The following CBL variants were observed in gnomAD, a reference collection of about 807,000 sequenced individuals.
The protein encoded by CBL is Cbl proto-oncogene, also known as E3 ubiquitin-protein ligase CBL.
A neutral mutation model predicts 96.9 loss-of-function variants in CBL; 45 were observed. The observed-to-expected ratio is 0.46, with a 90% CI of 0.37 to 0.60. The LOEUF (loss-of-function observed/expected upper bound fraction) is 0.60. Among genes scored for constraint, CBL ranks in the 20% least tolerant of loss-of-function variants. The pLI is 0.00. For missense variants in CBL, 1,024 were observed against 1,143.5 expected (o/e 0.90, Z 1.51); for synonymous variants, 420 against 426.8 (o/e 0.98, Z 0.20).
intron 12 of CBL, among the ~76,000 whole-genome samples, chr11:119,294,882 A>G (rs1950053592): frequency 6.6e-6 from 1 of 152,218 alleles, no homozygotes; most frequent in Non-Finnish European, 1.5e-5. Flanking sequence ...ATAGTTAGCA[A>G]TTTGATACAT....
Position 119,301,912 on chromosome 11 carries a change from C to G in CBL, c.*2131C>G. On this transcript the variant is annotated 3_prime_UTR_variant, in exon 16 of 16. Transcript: ENST00000264033. ...AGACAAAGAACTAGAAAAAAAAAAG[C>G]AGTTTCCAGGCCCATCCATATTGTA... The G allele has an allele frequency of 4.3e-6, 1 of 233,014 alleles. No individual in the cohort carries two copies. The highest frequency in any genetic ancestry group is 6.0e-5 in the East Asian group (1 of 16,576). The allele number at this position is 233,014 out of a possible 1,614,324, so 14.4% of individuals were successfully genotyped here.
chr11:119,258,741 G>A (rs893253740), intron 2 of CBL, among the ~76,000 whole-genome samples: 4 of 152,090 alleles, frequency 2.6e-5, no homozygotes, highest in Non-Finnish European at 5.9e-5. Context: ...TTCTGTTTAG[G>A]ATTGCTTTGG....
At chr11:119,213,672 CG>C (rs1400582555) in intron 1 of CBL, among the ~76,000 whole-genome samples, 1 of 152,054 alleles carries the variant, frequency 6.6e-6, no homozygotes, top group Non-Finnish European at 1.5e-5. Context: ...GAGGGCCAAG[CG>C]GGTGACTTGA....
intron 1 of CBL, among the ~76,000 whole-genome samples, chr11:119,225,978 C>T (rs1002388049): frequency 6.6e-6 from 1 of 152,170 alleles, no homozygotes; most frequent in Admixed American, 6.5e-5. Context: ...ATCCACCTGC[C>T]TTGGCCTCCC....
At position 119,307,469 on chromosome 11, in the gene CBL, TC is replaced by T. The variant is rs1478043142; in HGVS notation, c.*7689del. 4.3e-6 allele frequency: 1 copy of T among 232,362 alleles called. No individual in the cohort carries two copies. Among genetic ancestry groups the T allele is most frequent in the African/African-American group, 2.2e-5 (1 of 45,354 alleles). The allele number at this position is 232,362 out of a possible 1,614,324, so 14.4% of individuals were successfully genotyped here. A position where few individuals can be genotyped will look rare whatever the true frequency, so the allele number is the denominator to read the frequency against. On this transcript the variant is annotated 3_prime_UTR_variant, in exon 16 of 16. Transcript: ENST00000264033. Reference sequence around the variant, plus strand: ...GCCCCCATCAGATGTGGCTGGCCTTTCATTTGAAGGCTTCAGACTTAAAGCA... The same window carrying T: ...GCCCCCATCAGATGTGGCTGGCCTTTATTTGAAGGCTTCAGACTTAAAGCA...
intron 12 of CBL, among the ~76,000 whole-genome samples, chr11:119,289,898 A>G (rs1950012672): frequency 6.6e-6 from 1 of 152,060 alleles, no homozygotes; most frequent in African/African-American, 2.4e-5. Flanking sequence ...ATTCGCCACC[A>G]TGCCTGGCTA....
At chr11:119,210,699 T>A (rs1949309636) in intron 1 of CBL, among the ~76,000 whole-genome samples, 1 of 139,088 alleles carries the variant, frequency 7.2e-6, no homozygotes, top group Non-Finnish European at 1.5e-5. Flanking sequence ...TCTGCCCACC[T>A]CAGCCTCCCA....
At chr11:119,293,405 TC>T (rs1950043251) in intron 12 of CBL, among the ~76,000 whole-genome samples, 1 of 151,814 alleles carries the variant, frequency 6.6e-6, no homozygotes, top group Non-Finnish European at 1.5e-5. Context: ...ATCGTGCCCA[TC>T]CCATCTTCTT....
At chr11:119,255,233 G>A (rs1949702754) in intron 2 of CBL, among the ~76,000 whole-genome samples, 1 of 152,132 alleles carries the variant, frequency 6.6e-6, no homozygotes, top group South Asian at 2.1e-4. Context: ...CTTCGGGAAG[G>A]TGCTTTGGAG....
intron 12 of CBL, among the ~76,000 whole-genome samples, chr11:119,293,521 G>A (rs1950043936): frequency 6.6e-6 from 1 of 152,000 alleles, no homozygotes. Flanking sequence ...TTCAATTGCT[G>A]CTTTCTGCTT....
rs995977491 is a variant in CBL, at chr11:119,206,543, C to T, written c.126C>T (p.His42=). The change falls in exon 1 of 16, where the codon CAC becomes CAT. Residue 42 remains histidine, a synonymous_variant. Transcript: ENST00000264033. ...AFQPHHHHHH[H]LSPHPPGTVD... is the part of the protein sequence containing the mutation. ...AGCCGCACCACCACCACCACCACCA[C>T]CTCAGCCCCCACCCGCCGGGGACGG... is the stretch of plus-strand genomic sequence containing the variant. 3.2e-6 allele frequency: 5 copies of T among 1,551,756 alleles called. No individual in the cohort carries two copies. The African/African-American group carries it at 5.5e-5, about 17-fold the overall frequency.
Position 119,299,583 on chromosome 11 carries a change from G to T in CBL, c.2523G>T (p.Gln841His). ...INSERKAGSC[Q>H]QGSGPAASAA... ...CTGAACGGAAAGCTGGCAGCTGTCAGCAAGGTAGTGGTCCTGCCGCCTCTG... is the reference window on the plus strand; with the variant it reads ...CTGAACGGAAAGCTGGCAGCTGTCATCAAGGTAGTGGTCCTGCCGCCTCTG... The change falls in exon 16 of 16, where the codon CAG (glutamine) becomes CAT (histidine). Residue 841 changes from glutamine to histidine, a missense_variant. Physicochemically the swap from Gln to His is conservative, Grantham distance 24. This residue lies in a region of CBL where 695 missense variants were observed against 661.6 expected (regional missense o/e 1.05). Transcript: ENST00000264033. 6.2e-7 allele frequency: 1 copy of T among 1,614,200 alleles called. No homozygotes were observed.
In CBL at chr11:119,298,393, G is replaced by C; in HGVS notation, c.2287G>C (p.Gly763Arg). 6.2e-7 allele frequency: 1 copy of C among 1,614,166 alleles called. No homozygotes were observed. Among genetic ancestry groups the C allele is most frequent in the South Asian group, 1.1e-5 (1 of 91,080 alleles). ...GNLAAAHANT[G>R]PEESENEDDG... Reference sequence around the variant, plus strand: ...TTTGGCCGCAGCCCATGCCAACACTGGTCCCGAGGAGTCAGAAAATGAGGA... The same window carrying C: ...TTTGGCCGCAGCCCATGCCAACACTCGTCCCGAGGAGTCAGAAAATGAGGA... The change falls in exon 15 of 16, where the codon GGT (glycine) becomes CGT (arginine). Residue 763 changes from glycine (G) to arginine (R), a missense_variant. By Grantham distance (125) the Gly-to-Arg change is moderately radical. Coordinates refer to ENST00000264033, the MANE Select transcript of CBL (RefSeq NM_005188.4).
At chr11:119,258,557 G>A (rs1002538800) in intron 2 of CBL, among the ~76,000 whole-genome samples, 1 of 152,150 alleles carries the variant, frequency 6.6e-6, no homozygotes, top group African/African-American at 2.4e-5. Context: ...CCCACCAGGC[G>A]CCATCTCCAG....
In CBL at chr11:119,308,030, C is replaced by G. The variant is rs1236723692; in HGVS notation, c.*8249C>G. On this transcript the variant is annotated 3_prime_UTR_variant, in exon 16 of 16. Coordinates refer to ENST00000264033, the MANE Select transcript of CBL (RefSeq NM_005188.4). ...TATTAATGTTTAGAAGTCTGTTTTACTAATGTTATTTATTAATTTTTTTTC... is the reference window on the plus strand; with the variant it reads ...TATTAATGTTTAGAAGTCTGTTTTAGTAATGTTATTTATTAATTTTTTTTC... The G allele has an allele frequency of 5.4e-6, 1 of 185,012 alleles. No homozygotes were observed. The highest frequency in any genetic ancestry group is 2.3e-5 in the African/African-American group (1 of 42,646). 11.5% of individuals were successfully genotyped at this position (185,012 alleles called of 1,614,324 possible).
At chr11:119,254,104 T>G (rs1949693060) in intron 2 of CBL, among the ~76,000 whole-genome samples, 1 of 151,286 alleles carries the variant, frequency 6.6e-6, no homozygotes. Context: ...ATTCTAGCAC[T>G]TTTGGAGATC....
chr11:119,238,100 G>A (rs1213617242), intron 2 of CBL, among the ~76,000 whole-genome samples: 1 of 152,020 alleles, frequency 6.6e-6, no homozygotes, highest in Non-Finnish European at 1.5e-5. Context: ...TTGAACTCCT[G>A]ACCTCAAGTG....
intron 2 of CBL, among the ~76,000 whole-genome samples, 187 bp from the exon 3 acceptor site, chr11:119,271,548 G>A (rs979424122): frequency 6.6e-6 from 1 of 152,052 alleles, no homozygotes; most frequent in Non-Finnish European, 1.5e-5. Flanking sequence ...CCTCAACAGC[G>A]CATTTCTTTT....
At chr11:119,292,032 T>C (rs1401427314) in intron 12 of CBL, among the ~76,000 whole-genome samples, 1 of 152,118 alleles carries the variant, frequency 6.6e-6, no homozygotes, top group Admixed American at 6.5e-5. Context: ...TTTGTATTTT[T>C]AGTAGAGATG....
Sources: gnomAD v4.1 joint callset for allele counts (sites outside exome capture counted in the v4.1 genomes callset) on GRCh38, gnomAD v4.1.1 for gene constraint, gnomAD v4.1.1 regional missense constraint, MANE v1.5 for transcripts, NCBI Gene and HGNC (gene_info 2026-07-23, HGNC 2026-07-21) for gene names.